The following KIF5B variants were observed in gnomAD, a reference collection of about 807,000 sequenced individuals.
KIF5B encodes kinesin-1 heavy chain.
Under a neutral mutation model 132.8 loss-of-function variants are expected in KIF5B, and 49 were observed. The ratio of observed to expected loss-of-function variants is 0.37; its 90% CI spans 0.29 to 0.47. The LOEUF (loss-of-function observed/expected upper bound fraction) is 0.47. KIF5B is among the 20% of genes least tolerant of loss of function. The pLI is 1.00. For synonymous variants in KIF5B, 355 were observed against 369.4 expected, an observed-to-expected ratio of 0.96 and a Z score of 0.45; for missense variants, 780 against 1,144.0, an observed-to-expected ratio of 0.68 and a Z score of 4.59.
At chr10:32,038,015 CAGG>C (rs1841483063) in intron 6 of KIF5B, 145 bp downstream of exon 6, 1 of 503,082 alleles carries the variant, frequency 2.0e-6, no homozygotes, top group Non-Finnish European at 3.5e-6. Context: ...GAGGCTGAGG[CAGG>C]AGAACTGCTT....
chr10:32,051,243 G>A (rs1841690643), intron 1 of KIF5B, among the ~76,000 whole-genome samples: 1 of 152,198 alleles, frequency 6.6e-6, no homozygotes. Flanking sequence ...ATTTTTAGTA[G>A]AGATGAGGTT....
Position 32,009,938 on chromosome 10 carries a change from TA to T in KIF5B, c.*1598del, listed in dbSNP as rs1300481220. 2.6e-5 allele frequency: 4 copies of T among 152,020 alleles called. No homozygotes were observed. In the East Asian group the frequency reaches 5.8e-4, roughly 22 times the overall value. The allele number at this position is 152,020 out of a possible 1,614,324, so 9.4% of individuals were successfully genotyped here. ...TACAACAGCAAAGATTTTTGACTAT[TA>T]AAAAAATAAATAAATAAATTTATAT... On this transcript the variant is annotated 3_prime_UTR_variant, in exon 26 of 26. Coordinates refer to ENST00000302418, the MANE Select transcript of KIF5B (RefSeq NM_004521.3).
rs1458334856 is a variant in KIF5B, at chr10:32,056,024, C to G, written c.-51G>C. 1.3e-6 allele frequency: 2 copies of G among 1,596,312 alleles called. No individual in the cohort carries two copies. Among genetic ancestry groups the G allele is most frequent in the Non-Finnish European group, 1.7e-6 (2 of 1,178,570 alleles). The stretch of plus-strand genomic sequence containing the variant: ...CGGGAGCCACTCCCCGCCGCTCAGT[C>G]TTGCAGGGAACGCGCCGGACCTGAG... On this transcript the variant is annotated 5_prime_UTR_variant, in exon 1 of 26. Transcript: ENST00000302418.
At chr10:32,055,759 TTCAA>T (rs1763755203) in intron 1 of KIF5B, 85 bp downstream of exon 1, 1 of 1,517,634 alleles carries the variant, frequency 6.6e-7, no homozygotes, top group African/African-American at 1.4e-5. Flanking sequence ...GCCGCTCCCT[TTCAA>T]TTCTGCACCC....
chr10:32,027,613 C>CTTT (rs34452497), intron 15 of KIF5B, among the ~76,000 whole-genome samples: 33 of 134,968 alleles, frequency 2.4e-4, no homozygotes, highest in Non-Finnish European at 6.4e-5. Flanking sequence ...CTGAGCTAAT[C>CTTT]TTTTTTTTTT....
intron 5 of KIF5B, 42 bp from the exon 6 acceptor site, chr10:32,038,260 T>G (rs1297739882): frequency 7.5e-7 from 1 of 1,330,134 alleles, no homozygotes; most frequent in Non-Finnish European, 1.1e-6. Flanking sequence ...CTCCTAAAAC[T>G]CTTAACACTG....
chr10:32,039,110 T>C (rs1302796877), intron 4 of KIF5B, among the ~76,000 whole-genome samples: 2 of 152,184 alleles, frequency 1.3e-5, no homozygotes, highest in Non-Finnish European at 2.9e-5. Context: ...CCTTTATTTT[T>C]TGAAGGAGGC....
At chr10:32,035,730 C>A in intron 9 of KIF5B, 63 bp from the exon 10 acceptor site, 1 of 1,491,998 alleles carries the variant, frequency 6.7e-7, no homozygotes, top group Non-Finnish European at 9.1e-7. Context: ...ATAAAATAAA[C>A]TCCCAAAAGA....
rs1401157072 is a variant in KIF5B at position 32,048,333 on chromosome 10, AAAC to A, written c.214+128_214+130del. 33 of 601,212 alleles carry A rather than the reference AAAC, an allele frequency of 5.5e-5. No homozygotes were observed. The East Asian group carries it at 9.0e-4, about 16-fold the overall frequency. 37.2% of individuals were successfully genotyped at this position (601,212 alleles called of 1,614,324 possible). ...ATTGTGTTTGACCTTTTTATTATTT[AAAC>A]AACTTTCTTCTGCAATTAACTTAGA... On this transcript the variant is annotated intron_variant, in intron 2 of 25. Coordinates refer to ENST00000302418, the MANE Select transcript of KIF5B (RefSeq NM_004521.3).
chr10:32,032,351 G>C (rs868463418), intron 13 of KIF5B, among the ~76,000 whole-genome samples: 1 of 152,088 alleles, frequency 6.6e-6, no homozygotes, highest in African/African-American at 2.4e-5. Flanking sequence ...CTTTCTTACC[G>C]AAGCAGTCTT....
chr10:32,017,963 G>T, intron 23 of KIF5B, 89 bp downstream of exon 23: 1 of 598,968 alleles, frequency 1.7e-6, no homozygotes, highest in South Asian at 3.8e-5. Context: ...AATTCCTGAG[G>T]ACTCTGAAAG....
At chr10:32,018,229 T>C in intron 22 of KIF5B, 73 bp from the exon 23 acceptor site, 2 of 1,452,894 alleles carry the variant, frequency 1.4e-6, no homozygotes, top group East Asian at 2.3e-5. Context: ...TTGACGTGAC[T>C]GTAAAGTTAT....
rs1314133061 is a variant in KIF5B, at chr10:32,017,155, A to T, written c.2749T>A (p.Ser917Thr). The change falls in exon 24 of 26, where the codon TCT (serine) becomes ACT (threonine). Residue 917 changes from serine to threonine, a missense_variant. By Grantham distance (58) the Ser-to-Thr change is moderately conservative (BLOSUM62 1). Coordinates refer to ENST00000302418, the MANE Select transcript of KIF5B (RefSeq NM_004521.3). ...GTGTTCTACTAACCAATCTGTGCAG[A>T]ATGCCCTCTTCTGGCCATATTCTTT... is the stretch of plus-strand genomic sequence containing the variant. ...RSKNMARRGHSAQIAKPIRPG... is the reference protein window; with the variant it reads ...RSKNMARRGHTAQIAKPIRPG... 3.1e-6 allele frequency: 5 copies of T among 1,613,530 alleles called. No individual in the cohort carries two copies. The highest frequency in any genetic ancestry group is 4.2e-6 in the Non-Finnish European group (5 of 1,179,498).
intron 15 of KIF5B, among the ~76,000 whole-genome samples, chr10:32,024,133 CAT>C (rs930792773): frequency 3.1e-5 from 4 of 127,568 alleles, no homozygotes; most frequent in Non-Finnish European, 6.6e-5. Flanking sequence ...ATATCCAAAA[CAT>C]ATGAAGAACT....
At chr10:32,019,734 T>C in intron 20 of KIF5B, 124 bp downstream of exon 20, 1 of 583,048 alleles carries the variant, frequency 1.7e-6, no homozygotes, top group Non-Finnish European at 3.0e-6. Context: ...TCAGTGGATT[T>C]AAGAAAAAAT....
intron 2 of KIF5B, among the ~76,000 whole-genome samples, chr10:32,042,140 A>G (rs1192995978): frequency 6.6e-6 from 1 of 152,150 alleles, no homozygotes; most frequent in Non-Finnish European, 1.5e-5. Context: ...GAAACAGCAT[A>G]TAACAGTGAA....
At chr10:32,027,482 CTATTA>C (rs1351599952) in intron 15 of KIF5B, among the ~76,000 whole-genome samples, 1 of 143,868 alleles carries the variant, frequency 7.0e-6, no homozygotes, top group African/African-American at 2.5e-5. Flanking sequence ...ATTCTCTCTA[CTATTA>C]TATGTTTGAA....
chr10:32,023,014 A>G lies in KIF5B; in HGVS notation c.1748T>C (p.Ile583Thr), dbSNP rs770743974. ...TCTTGCAACAGTGAACTCTTCATCTATCATGCCAGTTCCCTCAGGCTGCTG... is the reference window on the plus strand; with the variant it reads ...TCTTGCAACAGTGAACTCTTCATCTGTCATGCCAGTTCCCTCAGGCTGCTG... Reference protein sequence around the residue: ...DVKQPEGTGMIDEEFTVARLY... With the variant: ...DVKQPEGTGMTDEEFTVARLY... The change falls in exon 16 of 26, where the codon ATA becomes ACA. Residue 583 changes from isoleucine (I) to threonine (T), a missense_variant. Physicochemically the swap from Ile to Thr is moderately conservative, Grantham distance 89 (BLOSUM62 -1). Coordinates refer to ENST00000302418, the MANE Select transcript of KIF5B (RefSeq NM_004521.3). 2.5e-6 allele frequency: 4 copies of G among 1,597,454 alleles called. No individual in the cohort carries two copies. In the East Asian group the frequency reaches 6.7e-5, roughly 27 times the overall value.
intron 2 of KIF5B, among the ~76,000 whole-genome samples, chr10:32,044,199 C>T (rs1423788046): frequency 5.3e-5 from 8 of 152,122 alleles, no homozygotes; most frequent in Admixed American, 1.3e-4. Context: ...AGGAAATCAT[C>T]GCCAGGTGAT....
Sources: allele counts gnomAD v4.1 joint callset (sites outside exome capture counted in the v4.1 genomes callset), GRCh38; gene constraint gnomAD v4.1.1; transcripts MANE v1.5; gene names NCBI Gene and HGNC (gene_info 2026-07-23, HGNC 2026-07-21).